Variants in CCSER1 observed in about 807,000 individuals in gnomAD.
CCSER1 encodes serine-rich coiled-coil domain-containing protein 1.
A neutral mutation model predicts 82.0 loss-of-function variants in CCSER1; 41 were observed. The ratio of observed to expected loss-of-function variants is 0.50; its 90% CI spans 0.39 to 0.65. The LOEUF (loss-of-function observed/expected upper bound fraction) is 0.65, where lower values mean the gene tolerates loss of function less well. CCSER1 is among the 30% of genes least tolerant of loss of function. The probability of loss-of-function intolerance (pLI) is 0.00; values close to 1 mark genes in which losing one functional copy is unlikely to be tolerated. For missense variants in CCSER1, 1,119 were observed against 1,064.2 expected (o/e 1.05, Z -0.72); for synonymous variants, 414 against 383.9 (o/e 1.08, Z -0.92).
At chr4:90,968,350 GC>G (rs1734769256) in intron 9 of CCSER1, among the ~76,000 whole-genome samples, 1 of 151,926 alleles carries the variant, frequency 6.6e-6, no homozygotes, top group Admixed American at 6.6e-5. Flanking sequence ...ACCCACACAT[GC>G]CCCCAGCATT....
intron 1 of CCSER1, among the ~76,000 whole-genome samples, chr4:90,228,088 C>T (rs1471738718): frequency 1.3e-5 from 2 of 152,204 alleles, no homozygotes; most frequent in Admixed American, 1.3e-4. Flanking sequence ...GTAAACAGAG[C>T]AGCCGGGAAG....
chr4:90,870,974 T>C (rs745720848), intron 8 of CCSER1, among the ~76,000 whole-genome samples: 1 of 151,176 alleles, frequency 6.6e-6, no homozygotes, highest in Non-Finnish European at 1.5e-5. Flanking sequence ...TTTTTTAATG[T>C]ATGTTTGCTC....
intron 5 of CCSER1, among the ~76,000 whole-genome samples, chr4:90,521,241 C>A (rs1229796814): frequency 1.3e-5 from 2 of 151,966 alleles, no homozygotes; most frequent in African/African-American, 4.8e-5. Context: ...TTAAAAATAT[C>A]CTTTAGTGAA....
At chr4:91,034,922 AAG>A (rs1421262305) in intron 9 of CCSER1, among the ~76,000 whole-genome samples, 2 of 152,174 alleles carry the variant, frequency 1.3e-5, no homozygotes, top group African/African-American at 4.8e-5. Context: ...TTGCATGAAA[AAG>A]AGAGGGGAGA....
intron 9 of CCSER1, among the ~76,000 whole-genome samples, chr4:91,026,596 A>G (rs1251105052): frequency 6.6e-6 from 1 of 152,132 alleles, no homozygotes; most frequent in African/African-American, 2.4e-5. Flanking sequence ...TTCCAAATCC[A>G]TGAGGACTTT....
Position 91,369,747 on chromosome 4 carries a change from C to A in CCSER1, c.2218-228825C>A, listed in dbSNP as rs191330872. Among the ~76,000 whole-genome samples, 358 of 147,126 alleles carry A rather than the reference C, an allele frequency of 2.4e-3. 3 individuals are homozygous for A. The highest frequency in any genetic ancestry group is 8.1e-3 in the African/African-American group (323 of 39,954). ...GCAGTGGCACGATCTTGGCTCACTG[C>A]AACCTCTGCCTCCTGTGTTCAAGTG... On this transcript the variant is annotated intron_variant, in intron 10 of 10. Coordinates refer to ENST00000509176, the MANE Select transcript of CCSER1 (RefSeq NM_001145065.2).
intron 10 of CCSER1, among the ~76,000 whole-genome samples, chr4:91,589,365 A>G (rs1270035320): frequency 6.6e-6 from 1 of 151,874 alleles, no homozygotes; most frequent in Non-Finnish European, 1.5e-5. Flanking sequence ...ATGATATACA[A>G]TATATTTGTT....
chr4:90,717,819 T>G (rs1741931412), intron 6 of CCSER1, among the ~76,000 whole-genome samples: 1 of 151,156 alleles, frequency 6.6e-6, no homozygotes, highest in Non-Finnish European at 1.5e-5. Flanking sequence ...ATGAGAGATG[T>G]TTTTCTGTGT....
intron 9 of CCSER1, among the ~76,000 whole-genome samples, chr4:90,946,335 C>T (rs1732236930): frequency 6.6e-6 from 1 of 152,004 alleles, no homozygotes; most frequent in Admixed American, 6.6e-5. Context: ...ATATTATTCT[C>T]AATTTATGGA....
intron 9 of CCSER1, among the ~76,000 whole-genome samples, chr4:90,963,816 G>A (rs552474411): frequency 8.5e-5 from 13 of 152,200 alleles, no homozygotes; most frequent in East Asian, 3.9e-4. Flanking sequence ...GCAAACTAAC[G>A]TATTGCCTTA....
Position 90,223,292 on chromosome 4 carries a change from G to GT in CCSER1, c.-41-84951dup, listed in dbSNP as rs1199535260. 2.0e-5 allele frequency among the ~76,000 whole-genome samples: 3 copies of GT among 152,222 alleles called. No homozygotes were observed. In the East Asian group the frequency reaches 5.8e-4, roughly 29 times the overall value. Reference sequence around the variant, plus strand: ...CACTATGGATTTTTGTCAAAAGACTGTAAGTATGTGATAAAAGATAATATT... The same window carrying GT: ...CACTATGGATTTTTGTCAAAAGACTGTTAAGTATGTGATAAAAGATAATATT... On this transcript the variant is annotated intron_variant, in intron 1 of 10. Transcript: ENST00000509176.
intron 1 of CCSER1, among the ~76,000 whole-genome samples, chr4:90,155,728 T>G (rs147679478): frequency 1.3e-5 from 2 of 152,126 alleles, no homozygotes; most frequent in Non-Finnish European, 2.9e-5. Context: ...ATCCCCTTTA[T>G]CATTTTTTAT....
chr4:90,391,444 G>GTGTATA (rs1554021194), intron 3 of CCSER1, among the ~76,000 whole-genome samples: 1 of 37,476 alleles, frequency 2.7e-5, no homozygotes, highest in Non-Finnish European at 4.8e-5. Context: ...ATATATGGGG[G>GTGTATA]TATATATATA....
At chr4:90,892,939 G>T (rs933916722) in intron 8 of CCSER1, among the ~76,000 whole-genome samples, 53 of 151,906 alleles carry the variant, frequency 3.5e-4, no homozygotes, top group African/African-American at 1.2e-3. Context: ...AAAATGATTA[G>T]ATTGCTGTAT....
intron 10 of CCSER1, among the ~76,000 whole-genome samples, chr4:91,100,366 GTTACTA>G (rs1223229631): frequency 3.0e-5 from 4 of 132,464 alleles, no homozygotes; most frequent in East Asian, 2.4e-4. Flanking sequence ...CATGGCAACA[GTTACTA>G]TTATTATTAT....
intron 6 of CCSER1, among the ~76,000 whole-genome samples, chr4:90,708,515 G>A (rs939509835): frequency 6.6e-6 from 1 of 152,068 alleles, no homozygotes; most frequent in Non-Finnish European, 1.5e-5. Context: ...AGGAATAAGT[G>A]TTCCTACCCA....
chr4:91,309,064 C>T lies in CCSER1; in HGVS notation c.2217+223070C>T, dbSNP rs538416611. Among the ~76,000 whole-genome samples, 59 of 151,894 alleles carry T rather than the reference C, an allele frequency of 3.9e-4. 1 individual carries two copies. The Middle Eastern group carries it at 0.014, about 35-fold the overall frequency. ...TCTCATTTTCATGCTGAGTTCTTTC[C>T]CTTGCATATTATTCTAAAGTATTTT... On this transcript the variant is annotated intron_variant, in intron 10 of 10. Coordinates refer to ENST00000509176, the MANE Select transcript of CCSER1 (RefSeq NM_001145065.2).
chr4:90,542,947 T>C (rs1250426850), intron 5 of CCSER1, among the ~76,000 whole-genome samples: 1 of 152,164 alleles, frequency 6.6e-6, no homozygotes, highest in Non-Finnish European at 1.5e-5. Flanking sequence ...TAAAAAGTTA[T>C]GCTTATGTAT....
At chr4:90,764,313 TTAGTTTTGACTGA>T (rs748540966) in intron 7 of CCSER1, among the ~76,000 whole-genome samples, 18 of 152,206 alleles carry the variant, frequency 1.2e-4, no homozygotes, top group Non-Finnish European at 2.1e-4. Flanking sequence ...TTTAACAGAA[TTAGTTTTGACTGA>T]TAGAGTATAA....
Sources: allele counts gnomAD v4.1 joint callset (sites outside exome capture counted in the v4.1 genomes callset), GRCh38; gene constraint gnomAD v4.1.1; transcripts MANE v1.5; gene names NCBI Gene and HGNC (gene_info 2026-07-23, HGNC 2026-07-21).